Variants in XKR4 observed in about 807,000 individuals in gnomAD.
XKR4 encodes XK-related protein 4.
A neutral mutation model predicts 53.9 loss-of-function variants in XKR4; 12 were observed. The observed-to-expected ratio is 0.22, with a 90% CI of 0.14 to 0.36. The LOEUF (loss-of-function observed/expected upper bound fraction) is 0.36. Ranked by LOEUF, XKR4 falls within the 10% of genes least tolerant of loss-of-function variation. The probability of loss-of-function intolerance (pLI) is 1.00; values close to 1 mark genes in which losing one functional copy is unlikely to be tolerated. For missense variants in XKR4, 799 were observed against 859.5 expected (o/e 0.93, Z 0.88); for synonymous variants, 354 against 362.4 (o/e 0.98, Z 0.26).
chr8:55,452,085 G>T, intron 2 of XKR4: 2 of 702,970 alleles, frequency 2.8e-6, no homozygotes, highest in East Asian at 5.1e-5. Flanking sequence ...TGGCTGGCCG[G>T]GTGTGTAGGT....
At chr8:55,338,467 G>A (rs1803497309) in intron 1 of XKR4, among the ~76,000 whole-genome samples, 1 of 152,146 alleles carries the variant, frequency 6.6e-6, no homozygotes, top group Non-Finnish European at 1.5e-5. Context: ...CATGGGAGCT[G>A]GACACATGGA....
chr8:55,471,679 G>A (rs1037526173), intron 2 of XKR4, among the ~76,000 whole-genome samples: 1 of 152,164 alleles, frequency 6.6e-6, no homozygotes, highest in Non-Finnish European at 1.5e-5. Flanking sequence ...TGGAGGTGGG[G>A]CCTGGTGGGA....
chr8:55,273,880 G>T (rs1291646387), intron 1 of XKR4, among the ~76,000 whole-genome samples: 1 of 152,106 alleles, frequency 6.6e-6, no homozygotes, highest in Non-Finnish European at 1.5e-5. Context: ...TGATGAATCG[G>T]TTCTGTCTAG....
At chr8:55,272,206 G>A (rs903855286) in intron 1 of XKR4, among the ~76,000 whole-genome samples, 2 of 152,184 alleles carry the variant, frequency 1.3e-5, no homozygotes, top group African/African-American at 4.8e-5. Flanking sequence ...CTTCATACAG[G>A]CATAGATCAA....
intron 1 of XKR4, among the ~76,000 whole-genome samples, chr8:55,174,115 A>G (rs185683783): frequency 9.5e-4 from 144 of 152,302 alleles, no homozygotes; most frequent in African/African-American, 3.4e-3. Flanking sequence ...TTCGGTGCAG[A>G]TAATACAATT....
At chr8:55,247,835 T>TTATC in intron 1 of XKR4, among the ~76,000 whole-genome samples, 1 of 65,088 alleles carries the variant, frequency 1.5e-5, no homozygotes, top group African/African-American at 3.4e-5. Flanking sequence ...TAATTTTTCT[T>TTATC]TTTCTTTCTT....
At chr8:55,516,787 G>C (rs903286533) in intron 2 of XKR4, among the ~76,000 whole-genome samples, 1 of 152,120 alleles carries the variant, frequency 6.6e-6, no homozygotes, top group Admixed American at 6.5e-5. Flanking sequence ...TACCCAAAGG[G>C]AAGGAAATGA....
chr8:55,470,386 C>G (rs1442850270), intron 2 of XKR4, among the ~76,000 whole-genome samples: 1 of 152,112 alleles, frequency 6.6e-6, no homozygotes, highest in Non-Finnish European at 1.5e-5. Flanking sequence ...TTCCCCCATA[C>G]TGTTCTCATG....
At chr8:55,350,550 A>G (rs1803710101) in intron 1 of XKR4, among the ~76,000 whole-genome samples, 1 of 152,162 alleles carries the variant, frequency 6.6e-6, no homozygotes, top group Non-Finnish European at 1.5e-5. Flanking sequence ...AGTCACAAAA[A>G]GACCAATACT....
intron 1 of XKR4, among the ~76,000 whole-genome samples, chr8:55,277,907 T>C (rs991805770): frequency 2.0e-5 from 3 of 152,212 alleles, no homozygotes; most frequent in Non-Finnish European, 4.4e-5. Flanking sequence ...TAAAAAAATA[T>C]GTGAATATTT....
chr8:55,141,366 T>C (rs1454908699), intron 1 of XKR4, among the ~76,000 whole-genome samples: 1 of 152,144 alleles, frequency 6.6e-6, no homozygotes, highest in Non-Finnish European at 1.5e-5. Context: ...GTGGCCGCTC[T>C]GGCATCGCTG....
intron 1 of XKR4, among the ~76,000 whole-genome samples, chr8:55,131,056 G>C (rs1414139702): frequency 6.6e-6 from 1 of 152,044 alleles, no homozygotes; most frequent in Non-Finnish European, 1.5e-5. Flanking sequence ...CTACTCAGGA[G>C]GCTGAGGCAG....
intron 2 of XKR4, among the ~76,000 whole-genome samples, chr8:55,475,360 C>A (rs1010508576): frequency 6.7e-6 from 1 of 150,256 alleles, no homozygotes; most frequent in Non-Finnish European, 1.5e-5. Flanking sequence ...TTCAGACCAG[C>A]GATTCATAAA....
chr8:55,287,133 G>T (rs200899543), intron 1 of XKR4, among the ~76,000 whole-genome samples: 2 of 6,344 alleles, frequency 3.2e-4, no homozygotes, highest in Admixed American at 5.6e-3. Context: ...TTATTGGGTG[G>T]GGGGGGGGAA....
At chr8:55,407,803 C>T (rs1471981813) in intron 2 of XKR4, among the ~76,000 whole-genome samples, 1 of 152,230 alleles carries the variant, frequency 6.6e-6, no homozygotes, top group Non-Finnish European at 1.5e-5. Flanking sequence ...ATTGAATTTT[C>T]TTCCATATGG....
chr8:55,418,157 G>T (rs1203071663), intron 2 of XKR4, among the ~76,000 whole-genome samples: 1 of 152,168 alleles, frequency 6.6e-6, no homozygotes, highest in Admixed American at 6.5e-5. Context: ...AGGCAAGGGG[G>T]TGAGACTTCC....
chr8:55,225,749 C>A (rs1232226512), intron 1 of XKR4, among the ~76,000 whole-genome samples: 2 of 152,210 alleles, frequency 1.3e-5, no homozygotes, highest in Non-Finnish European at 2.9e-5. Flanking sequence ...TGACATTGCC[C>A]TGCATGGTGC....
chr8:55,456,637 A>T (rs1805574340), intron 2 of XKR4, among the ~76,000 whole-genome samples: 2 of 152,234 alleles, frequency 1.3e-5, no homozygotes, highest in African/African-American at 4.8e-5. Flanking sequence ...TATTTTCAAT[A>T]TGAAGATTTT....
At position 55,171,268 on chromosome 8, in the gene XKR4, G is replaced by A. The variant is rs767177966; in HGVS notation, c.806+67974G>A. Among the ~76,000 whole-genome samples, 8 of 152,284 alleles carry A rather than the reference G, an allele frequency of 5.3e-5. No homozygotes were observed. In the South Asian group the frequency reaches 6.2e-4, roughly 12 times the overall value. On this transcript the variant is annotated intron_variant, in intron 1 of 2. Transcript: ENST00000327381. ...CTGACATTGTATTTAATGGTGAGGC[G>A]TTTGATAGAAAATGTGTCCTTACCA...
Sources: allele counts gnomAD v4.1 joint callset (sites outside exome capture counted in the v4.1 genomes callset), GRCh38; gene constraint gnomAD v4.1.1; transcripts MANE v1.5; gene names NCBI Gene and HGNC (gene_info 2026-07-23, HGNC 2026-07-21).